FBLN7: variants seen among roughly 807,000 people sequenced by gnomAD.
FBLN7 encodes fibulin 7.
FBLN7 carries 31 observed loss-of-function variants against 44.0 expected under a neutral mutation model. That is an observed-to-expected ratio of 0.70 (90% CI 0.53 to 0.95). The LOEUF (loss-of-function observed/expected upper bound fraction) is 0.95. Ranked by LOEUF, FBLN7 falls within the 40% of genes least tolerant of loss-of-function variation. The probability of loss-of-function intolerance (pLI) is 0.00; values close to 1 mark genes in which losing one functional copy is unlikely to be tolerated. For synonymous variants in FBLN7, 262 were observed against 253.4 expected (o/e 1.03, Z -0.32); for missense variants, 573 against 618.5 (o/e 0.93, Z 0.78).
downstream of FBLN7, chr2:112,189,441 T>C (rs1010597886): frequency 1.3e-5 from 2 of 152,502 alleles, no homozygotes; most frequent in Admixed American, 1.3e-4. Flanking sequence ...GGGTCTTTTG[T>C]GGATAATGGC....
At chr2:112,238,526 AAACT>A in the FBLN7 span, 1 of 1,592,650 alleles carries the variant, frequency 6.3e-7, no homozygotes, top group Non-Finnish European at 8.5e-7. Flanking sequence ...CAGAGTGTCT[AAACT>A]AAGTAAAAAT....
chr2:112,160,810 A>G lies in FBLN7; in HGVS notation c.235+975A>G, dbSNP rs557636727. ...CGCACACGCACACACGCACGCACAC[A>G]CACGCACACACAAGCACGCATACAC... On this transcript the variant is annotated intron_variant, in intron 2 of 7. Coordinates refer to ENST00000331203, the MANE Select transcript of FBLN7 (RefSeq NM_153214.3). 5.4e-4 allele frequency among the ~76,000 whole-genome samples: 79 copies of G among 146,570 alleles called. 1 individual carries two copies. The highest frequency in any genetic ancestry group is 1.6e-3 in the African/African-American group (65 of 39,396).
At chr2:112,244,680 C>T in the FBLN7 span, among the ~76,000 whole-genome samples, 4 of 152,136 alleles carry the variant, frequency 2.6e-5, no homozygotes, top group Non-Finnish European at 5.9e-5. Flanking sequence ...TGGTAATTCT[C>T]GCAATACATC....
the FBLN7 span, among the ~76,000 whole-genome samples, chr2:112,217,020 C>T: frequency 1.3e-5 from 2 of 152,286 alleles, no homozygotes; most frequent in East Asian, 3.9e-4. Context: ...GCCCGCAGAG[C>T]AAAACCCAAC....
chr2:112,140,891 T>C (rs1680612424), intron 1 of FBLN7, among the ~76,000 whole-genome samples: 1 of 152,256 alleles, frequency 6.6e-6, no homozygotes, highest in Non-Finnish European at 1.5e-5. Context: ...GTTTAATTTT[T>C]CTGTTCTTGC....
chr2:112,175,933 TCA>T, intron 4 of FBLN7, 94 bp downstream of exon 4: 1 of 1,460,018 alleles, frequency 6.8e-7, no homozygotes, highest in Non-Finnish European at 9.2e-7. Flanking sequence ...TGTAGGGAGC[TCA>T]GTCCCCCACT....
intron 1 of FBLN7, among the ~76,000 whole-genome samples, chr2:112,142,605 G>A (rs1680701381): frequency 6.6e-6 from 1 of 152,292 alleles, no homozygotes; most frequent in East Asian, 1.9e-4. Flanking sequence ...CCTCGACCAA[G>A]GCCCATTGAC....
chr2:112,178,395 G>A (rs1305190224), intron 4 of FBLN7, among the ~76,000 whole-genome samples: 2 of 152,010 alleles, frequency 1.3e-5, no homozygotes, highest in African/African-American at 2.4e-5. Flanking sequence ...AGGACCTGAC[G>A]GATTCACAGC....
chr2:112,174,270 CA>C (rs1309487779), intron 3 of FBLN7, among the ~76,000 whole-genome samples: 1 of 152,220 alleles, frequency 6.6e-6, no homozygotes, highest in Non-Finnish European at 1.5e-5. Context: ...CGGTCTTCTG[CA>C]AACAGAATGT....
rs1030659093 is a variant in FBLN7, at chr2:112,175,927, G to A, written c.532+88G>A. Reference sequence around the variant, plus strand: ...ATAGGTCCCCAAATGCAGACATGTAGGGAGCTCAGTCCCCCACTCAAAGAT... The same window carrying A: ...ATAGGTCCCCAAATGCAGACATGTAAGGAGCTCAGTCCCCCACTCAAAGAT... On this transcript the variant is annotated intron_variant, in intron 4 of 7. Transcript: ENST00000331203. The A allele has an allele frequency of 5.3e-6, 8 of 1,497,278 alleles. No individual in the cohort carries two copies. The South Asian group carries it at 1.0e-4, about 20-fold the overall frequency. The allele number at this position is 1,497,278 out of a possible 1,614,324, so 92.7% of individuals were successfully genotyped here.
the FBLN7 span, chr2:112,238,395 T>C: frequency 1.9e-6 from 3 of 1,613,790 alleles, no homozygotes; most frequent in South Asian, 3.3e-5. Flanking sequence ...GGCTTGTATG[T>C]ACTGTTGAAG....
At chr2:112,161,765 C>G (rs530107162) in intron 2 of FBLN7, among the ~76,000 whole-genome samples, 18 of 152,362 alleles carry the variant, frequency 1.2e-4, no homozygotes, top group African/African-American at 4.3e-4. Flanking sequence ...CAGGGGCTTT[C>G]ATCTCTGAAA....
chr2:112,160,179 A>G (rs917804646), intron 2 of FBLN7, among the ~76,000 whole-genome samples: 1 of 151,964 alleles, frequency 6.6e-6, no homozygotes, highest in African/African-American at 2.4e-5. Context: ...TTTAGTAGAG[A>G]CGGGGTTTCA....
the FBLN7 span, among the ~76,000 whole-genome samples, chr2:112,199,890 C>T: frequency 1.3e-5 from 2 of 152,200 alleles, no homozygotes; most frequent in African/African-American, 4.8e-5. Context: ...TGCCCTCTCA[C>T]CATGTAATGC....
the FBLN7 span, chr2:112,236,679 A>G: frequency 1.9e-6 from 3 of 1,610,744 alleles, no homozygotes; most frequent in Non-Finnish European, 2.5e-6. Context: ...TAAGATTTTT[A>G]TTTTTTTGTT....
the FBLN7 span, among the ~76,000 whole-genome samples, chr2:112,228,591 C>T: frequency 6.6e-6 from 1 of 151,006 alleles, no homozygotes; most frequent in African/African-American, 2.4e-5. Context: ...AAAATTAACT[C>T]AAAATGAATC....
chr2:112,138,834 TCCCC>T, intron 1 of FBLN7, 104 bp downstream of exon 1: 1 of 337,870 alleles, frequency 3.0e-6, no homozygotes. Context: ...CCCGCCTCTC[TCCCC>T]TGTCCCTCCC....
intron 3 of FBLN7, among the ~76,000 whole-genome samples, chr2:112,168,848 T>G (rs1286922586): frequency 6.6e-6 from 1 of 152,180 alleles, no homozygotes; most frequent in African/African-American, 2.4e-5. Flanking sequence ...AAAATATCAG[T>G]GCCAGTGACA....
chr2:112,209,775 T>C, the FBLN7 span, among the ~76,000 whole-genome samples: 1 of 151,868 alleles, frequency 6.6e-6, no homozygotes, highest in South Asian at 2.1e-4. Flanking sequence ...CCACCTGACA[T>C]AGTGTGAGAG....
Sources: gnomAD v4.1 joint callset for allele counts (sites outside exome capture counted in the v4.1 genomes callset) on GRCh38, gnomAD v4.1.1 for gene constraint, MANE v1.5 for transcripts, NCBI Gene and HGNC (gene_info 2026-07-23, HGNC 2026-07-21) for gene names.